ADAMDEC1: variants seen among roughly 807,000 people sequenced by gnomAD.
ADAMDEC1 encodes the protein ADAM like decysin 1, also known as ADAM DEC1.
A neutral mutation model predicts 60.4 loss-of-function variants in ADAMDEC1; 62 were observed. The observed-to-expected ratio is 1.03, with a 90% CI of 0.84 to 1.27. ADAMDEC1 has a LOEUF of 1.27. ADAMDEC1 is among the 50% of genes most tolerant of loss of function. The pLI, the probability that ADAMDEC1 is intolerant of heterozygous loss-of-function variation, is 0.00. For missense variants in ADAMDEC1, 595 were observed against 565.0 expected (o/e 1.05, Z -0.54); for synonymous variants, 210 against 195.1 (o/e 1.08, Z -0.64).
At chr8:24,385,975 C>G (rs1411073955) in intron 1 of ADAMDEC1, among the ~76,000 whole-genome samples, 3 of 151,824 alleles carry the variant, frequency 2.0e-5, no homozygotes. Context: ...CTTTTTTCCC[C>G]CCATTCCTCA....
rs932488074 is a variant in ADAMDEC1 at position 24,398,958 on chromosome 8, G to A, written c.847G>A (p.Ala283Thr). 14 of 1,613,712 alleles carry A rather than the reference G, an allele frequency of 8.7e-6. No individual in the cohort carries two copies. The highest frequency in any genetic ancestry group is 1.3e-5 in the African/African-American group (1 of 75,018). The part of the protein sequence containing the change: ...DGDKIKVVPS[A>T]STTFDNFLRW... ...GGATAAGATAAAGGTGGTGCCCAGC[G>A]CAAGCACCACGTTTGACAACTTCCT... Residue 283 changes from alanine to threonine, a missense_variant, in exon 9 of 14, where the codon GCA becomes ACA. Ala to Thr is a moderately conservative substitution (Grantham distance 58). Transcript: ENST00000256412.
chr8:24,397,253 GTCTC>G lies in ADAMDEC1; in HGVS notation c.441-15_441-12del. ...GTGTGTCAGGAATCCTGAAATATAA[GTCTC>G]TATATCTCCCAGAGGATACTTCACA... is the stretch of plus-strand genomic sequence containing the variant. On this transcript the variant is annotated splice_polypyrimidine_tract_variant and intron_variant, in intron 5 of 13. Coordinates refer to ENST00000256412, the MANE Select transcript of ADAMDEC1 (RefSeq NM_014479.3). 1 of 1,595,742 alleles carries G rather than the reference GTCTC, an allele frequency of 6.3e-7. No homozygotes were observed.
Position 24,392,309 on chromosome 8 carries a change from T to C in ADAMDEC1, c.136T>C (p.Cys46Arg). The C allele has an allele frequency of 6.2e-7, 1 of 1,611,614 alleles. No individual in the cohort carries two copies. Among genetic ancestry groups the C allele is most frequent in the African/African-American group, 1.3e-5 (1 of 74,962 alleles). ...TGAATTAACGCTCCATGAAATAGTT[T>C]GTCCTAAAAAACTTCACATTTTACA... ...TPELTLHEIV[C>R]PKKLHILHKR... Residue 46 changes from cysteine (C) to arginine (R), a missense_variant, in exon 2 of 14, where the codon TGT becomes CGT. Physicochemically the swap from Cys to Arg is radical, Grantham distance 180. Coordinates refer to ENST00000256412, the MANE Select transcript of ADAMDEC1 (RefSeq NM_014479.3).
Position 24,388,574 on chromosome 8 carries a change from C to T in ADAMDEC1, c.89-3688C>T, listed in dbSNP as rs1442965888. On this transcript the variant is annotated intron_variant, in intron 1 of 13. Coordinates refer to ENST00000256412, the MANE Select transcript of ADAMDEC1 (RefSeq NM_014479.3). ...CTCACACTGGCCTCCTTTACTGGTTCCTCCTCTTCTCAATTTCCTAATGTT... is the reference window on the plus strand; with the variant it reads ...CTCACACTGGCCTCCTTTACTGGTTTCTCCTCTTCTCAATTTCCTAATGTT... Among the ~76,000 whole-genome samples the T allele has an allele frequency of 2.0e-5, 3 of 151,674 alleles. No individual in the cohort carries two copies. The East Asian group carries it at 5.8e-4, about 29-fold the overall frequency.
chr8:24,392,238 TG>T, intron 1 of ADAMDEC1, 23 bp from the exon 2 acceptor site: 1 of 1,530,554 alleles, frequency 6.5e-7, no homozygotes, highest in Non-Finnish European at 8.9e-7. Context: ...ATCTTTTATG[TG>T]AATATTATTT....
chr8:24,389,332 C>T (rs1014224575), intron 1 of ADAMDEC1, among the ~76,000 whole-genome samples: 6 of 152,152 alleles, frequency 3.9e-5, no homozygotes, highest in Middle Eastern at 3.2e-3. Context: ...CTTGATTCCT[C>T]TCTTTCTCTC....
In ADAMDEC1 at chr8:24,394,097, A is replaced by G; in HGVS notation, c.313A>G (p.Thr105Ala). 1 of 1,613,520 alleles carries G rather than the reference A, an allele frequency of 6.2e-7. No individual in the cohort carries two copies. Among genetic ancestry groups the G allele is most frequent in the Non-Finnish European group, 8.5e-7 (1 of 1,179,572 alleles). Residue 105 changes from threonine to alanine, a missense_variant, in exon 4 of 14, where the codon ACA becomes GCA. By Grantham distance (58) the Thr-to-Ala change is moderately conservative (BLOSUM62 0). Coordinates refer to ENST00000256412, the MANE Select transcript of ADAMDEC1 (RefSeq NM_014479.3). ...KHLLGPDYTE[T>A]LYSPRGEEIT... ...CCTCCTGGGGCCAGACTACACTGAAACATTGTACTCACCCAGAGGAGAGGA... is the reference window on the plus strand; with the variant it reads ...CCTCCTGGGGCCAGACTACACTGAAGCATTGTACTCACCCAGAGGAGAGGA...
chr8:24,393,743 C>A lies in ADAMDEC1; in HGVS notation c.285-326C>A, dbSNP rs1261540223. ...TAAACTTCTCCCTGAATGCAATGGG[C>A]CTATAAGCATATTTGTGACCCAGCA... On this transcript the variant is annotated intron_variant, in intron 3 of 13. Transcript: ENST00000256412. Among the ~76,000 whole-genome samples the A allele has an allele frequency of 2.0e-5, 3 of 152,084 alleles. No individual in the cohort carries two copies. The East Asian group carries it at 5.8e-4, about 29-fold the overall frequency.
At chr8:24,398,723 G>A (rs1585812525) in intron 8 of ADAMDEC1, 151 bp from the exon 9 acceptor site, 2 of 956,752 alleles carry the variant, frequency 2.1e-6, no homozygotes, top group East Asian at 2.6e-5. Context: ...CACATGCATG[G>A]CAACAAAGAC....
intron 11 of ADAMDEC1, among the ~76,000 whole-genome samples, chr8:24,400,697 T>G (rs1817741925): frequency 6.6e-6 from 1 of 151,610 alleles, no homozygotes; most frequent in South Asian, 2.1e-4. Context: ...TGCAGGTTTG[T>G]TACATATGTA....
intron 1 of ADAMDEC1, chr8:24,388,133 G>T (rs929700568): frequency 1.3e-5 from 2 of 152,672 alleles, no homozygotes; most frequent in East Asian, 1.9e-4. Flanking sequence ...ACACTCCCTG[G>T]TACCTACTTC....
In ADAMDEC1 at chr8:24,404,015, C is replaced by T. The variant is rs756906679; in HGVS notation, c.1333C>T (p.Leu445Phe). The T allele has an allele frequency of 1.9e-6, 3 of 1,613,530 alleles. No individual in the cohort carries two copies. Among genetic ancestry groups the T allele is most frequent in the Non-Finnish European group, 2.5e-6 (3 of 1,179,688 alleles). The change falls in exon 13 of 14, where the codon CTC (leucine) becomes TTC (phenylalanine). Residue 445 changes from leucine (L) to phenylalanine (F), a missense_variant. Physicochemically the swap from Leu to Phe is conservative, Grantham distance 22. Transcript: ENST00000256412. ...GTGTGCTTTGAAGGAGTGTACCAAT[C>T]TCTGCTGTGAAGCCCTAACGTGTAA... ...DCGSPKECTN[L>F]CCEALTCKLK...
At position 24,402,093 on chromosome 8, in the gene ADAMDEC1, G is replaced by A; in HGVS notation, c.1320+1G>A. ...AGACTGTGATTGTGGCTCTCCTAAG[G>A]TATTATTTATTAGAATTATTGGGGC... On this transcript the variant is annotated splice_donor_variant, in intron 12 of 13. Transcript: ENST00000256412. LOFTEE classifies it high-confidence loss of function. 1 of 1,591,102 alleles carries A rather than the reference G, an allele frequency of 6.3e-7. No individual in the cohort carries two copies. Among genetic ancestry groups the A allele is most frequent in the East Asian group, 2.3e-5 (1 of 44,404 alleles).
chr8:24,397,766 C>G (rs1817654181), intron 7 of ADAMDEC1, 21 bp downstream of exon 7: 2 of 1,606,418 alleles, frequency 1.2e-6, no homozygotes, highest in African/African-American at 2.7e-5. Flanking sequence ...AACACACGGC[C>G]CTCTCGGCCA....
chr8:24,387,225 T>A (rs1817314434), intron 1 of ADAMDEC1: 1 of 152,208 alleles, frequency 6.6e-6, no homozygotes, highest in Non-Finnish European at 1.5e-5. Flanking sequence ...TCCACTTGAC[T>A]AAGACAGGGT....
chr8:24,399,084 T>C, intron 9 of ADAMDEC1, 44 bp downstream of exon 9: 1 of 1,577,360 alleles, frequency 6.3e-7, no homozygotes, highest in South Asian at 1.2e-5. Context: ...AATGGATAGC[T>C]ATCCCCAGGG....
At chr8:24,388,918 TGACAA>T (rs1817367172) in intron 1 of ADAMDEC1, among the ~76,000 whole-genome samples, 1 of 152,126 alleles carries the variant, frequency 6.6e-6, no homozygotes, top group African/African-American at 2.4e-5. Context: ...TCCTGAGTGG[TGACAA>T]GACAAGACAG....
In ADAMDEC1 at chr8:24,395,159, A is replaced by G. The variant is rs138142409; in HGVS notation, c.364-561A>G. Among the ~76,000 whole-genome samples the G allele has an allele frequency of 5.5e-3, 835 of 152,348 alleles. 10 individuals are homozygous for G. The highest frequency in any genetic ancestry group is 5.3e-3 in the Non-Finnish European group (362 of 68,040). On this transcript the variant is annotated intron_variant, in intron 4 of 13. Transcript: ENST00000256412. ...TGAGGCTGATAAAGGGATTCCACTAACAGACCAATTAAAACAGTGATTAAA... is the reference window on the plus strand; with the variant it reads ...TGAGGCTGATAAAGGGATTCCACTAGCAGACCAATTAAAACAGTGATTAAA...
intron 1 of ADAMDEC1, among the ~76,000 whole-genome samples, chr8:24,386,252 G>A (rs913884548): frequency 6.6e-6 from 1 of 152,108 alleles, no homozygotes; most frequent in Non-Finnish European, 1.5e-5. Context: ...ACCTGGTAAT[G>A]TTCTTATGTT....
Sources: gnomAD v4.1 joint callset for allele counts (sites outside exome capture counted in the v4.1 genomes callset) on GRCh38, gnomAD v4.1.1 for gene constraint, MANE v1.5 for transcripts, NCBI Gene and HGNC (gene_info 2026-07-23, HGNC 2026-07-21) for gene names.